Variants in EPSTI1 observed in about 807,000 individuals in gnomAD.
The protein encoded by EPSTI1 is epithelial-stromal interaction protein 1.
EPSTI1 carries 66 observed loss-of-function variants against 49.9 expected under a neutral mutation model. That is an observed-to-expected ratio of 1.32 (90% CI 1.08 to 1.62). The LOEUF (loss-of-function observed/expected upper bound fraction) is 1.62. Ranked by LOEUF, EPSTI1 falls within the 40% of genes most tolerant of loss-of-function variation. EPSTI1 has a pLI of 0.00. For synonymous variants in EPSTI1, 137 were observed against 130.7 expected, an observed-to-expected ratio of 1.05 and a Z score of -0.33; for missense variants, 394 against 365.5, an observed-to-expected ratio of 1.08 and a Z score of -0.64.
chr13:42,938,932 A>AAAAAAAAAAAAAAAAAAAAAC (rs1566136910), intron 6 of EPSTI1, among the ~76,000 whole-genome samples: 1 of 149,768 alleles, frequency 6.7e-6, no homozygotes, highest in Non-Finnish European at 1.5e-5. Flanking sequence ...AAAAAAAAAA[A>AAAAAAAAAAAAAAAAAAAAAC]TCTGTTGTTT....
chr13:42,921,298 T>C (rs2037985036), intron 7 of EPSTI1, among the ~76,000 whole-genome samples: 1 of 152,184 alleles, frequency 6.6e-6, no homozygotes, highest in Non-Finnish European at 1.5e-5. Flanking sequence ...TGGCCTTGGA[T>C]TTCTCAGGAA....
intron 3 of EPSTI1, among the ~76,000 whole-genome samples, chr13:42,967,338 C>A (rs1161293048): frequency 1.3e-5 from 2 of 150,534 alleles, no homozygotes; most frequent in African/African-American, 4.9e-5. Flanking sequence ...CCTCAACCTG[C>A]ATTTTTAAGA....
At chr13:42,969,281 T>A in intron 2 of EPSTI1, 104 bp from the exon 3 acceptor site, 1 of 1,113,106 alleles carries the variant, frequency 9.0e-7, no homozygotes, top group Non-Finnish European at 1.3e-6. Context: ...ATTAACTATA[T>A]GTGAGCATGA....
chr13:42,909,100 A>AATAATG (rs2037589409), intron 8 of EPSTI1, among the ~76,000 whole-genome samples: 1 of 147,460 alleles, frequency 6.8e-6, no homozygotes, highest in Admixed American at 6.8e-5. Flanking sequence ...TCTCAAAAAT[A>AATAATG]ATAACAATTT....
chr13:42,954,125 GATAGT>G (rs1298702423), intron 5 of EPSTI1, 104 bp from the exon 6 acceptor site: 3 of 889,046 alleles, frequency 3.4e-6, no homozygotes, highest in African/African-American at 3.3e-5. Flanking sequence ...AACTGGCCTT[GATAGT>G]CTAATACAGT....
Position 42,992,204 on chromosome 13 carries a change from G to C in EPSTI1, c.-39C>G. The C allele has an allele frequency of 6.7e-7, 1 of 1,499,604 alleles. No homozygotes were observed. Among genetic ancestry groups the C allele is most frequent in the South Asian group, 1.3e-5 (1 of 74,664 alleles). 92.9% of individuals were successfully genotyped at this position (1,499,604 alleles called of 1,614,324 possible). A position where few individuals can be genotyped will look rare whatever the true frequency, so the allele number is the denominator to read the frequency against. ...CGGGTCCCGGGCCGCCGTCGCTGCG[G>C]GAGGGATGCGGCTGGGACGCTTAGC... is the stretch of plus-strand genomic sequence containing the variant. On this transcript the variant is annotated 5_prime_UTR_variant, in exon 1 of 11. Coordinates refer to ENST00000313624, the MANE Select transcript of EPSTI1 (RefSeq NM_033255.5).
At chr13:42,903,429 G>T (rs189941937) in intron 8 of EPSTI1, among the ~76,000 whole-genome samples, 2 of 152,280 alleles carry the variant, frequency 1.3e-5, no homozygotes. Context: ...GGATGCAGGG[G>T]GAGGGAGAGC....
intron 1 of EPSTI1, among the ~76,000 whole-genome samples, chr13:42,974,584 G>A (rs1236120643): frequency 6.6e-6 from 1 of 151,780 alleles, no homozygotes; most frequent in Non-Finnish European, 1.5e-5. Flanking sequence ...GCGTGAACCA[G>A]GGAGGCGGAG....
At chr13:42,947,255 A>G (rs1228704414) in intron 6 of EPSTI1, among the ~76,000 whole-genome samples, 1 of 152,122 alleles carries the variant, frequency 6.6e-6, no homozygotes, top group African/African-American at 2.4e-5. Flanking sequence ...TGTACTTTTA[A>G]CACATATCAG....
At chr13:42,951,353 T>A (rs892314584) in intron 6 of EPSTI1, among the ~76,000 whole-genome samples, 1 of 152,236 alleles carries the variant, frequency 6.6e-6, no homozygotes, top group Non-Finnish European at 1.5e-5. Flanking sequence ...CAAAACATAA[T>A]ACTCTTTCAA....
intron 5 of EPSTI1, 108 bp downstream of exon 5, chr13:42,963,141 AAGAGAG>A: frequency 1.3e-6 from 1 of 758,134 alleles, no homozygotes; most frequent in Admixed American, 2.8e-5. Flanking sequence ...GGGGAATAGA[AAGAGAG>A]AGAGAGAGAA....
At chr13:42,969,617 C>T (rs2039715725) in intron 2 of EPSTI1, 1 of 185,052 alleles carries the variant, frequency 5.4e-6, no homozygotes, top group Admixed American at 5.7e-5. Flanking sequence ...TTCAATGCTC[C>T]CAAGCTTACT....
chr13:42,936,067 C>T (rs1244759230), intron 6 of EPSTI1, among the ~76,000 whole-genome samples: 1 of 152,146 alleles, frequency 6.6e-6, no homozygotes, highest in East Asian at 1.9e-4. Context: ...ACTGCTTCCT[C>T]AATTATAAAA....
intron 6 of EPSTI1, among the ~76,000 whole-genome samples, 156 bp from the exon 7 acceptor site, chr13:42,926,585 T>C (rs946375590): frequency 1.3e-5 from 2 of 152,134 alleles, no homozygotes; most frequent in African/African-American, 2.4e-5. Flanking sequence ...GTAGCAGAAA[T>C]CAAAACAAAA....
intron 6 of EPSTI1, among the ~76,000 whole-genome samples, chr13:42,936,359 C>T (rs984284933): frequency 2.0e-5 from 3 of 152,190 alleles, no homozygotes; most frequent in East Asian, 1.9e-4. Flanking sequence ...CCCATATCTC[C>T]ATTTACTCGT....
At chr13:42,926,990 G>GACACACACACACACAC (rs10529424) in intron 6 of EPSTI1, among the ~76,000 whole-genome samples, 55 of 144,608 alleles carry the variant, frequency 3.8e-4, no homozygotes, top group Admixed American at 6.9e-4. Flanking sequence ...TCTGTTAACA[G>GACACACACACACACAC]ACACACACAC....
intron 1 of EPSTI1, among the ~76,000 whole-genome samples, chr13:42,973,706 C>CCA (rs1403691378): frequency 6.6e-6 from 1 of 152,122 alleles, no homozygotes; most frequent in Admixed American, 6.5e-5. Context: ...TAGTTTGTAC[C>CCA]CACAGCAAAG....
In EPSTI1 at chr13:42,992,199, C is replaced by T. The variant is rs2040211140; in HGVS notation, c.-34G>A. On this transcript the variant is annotated 5_prime_UTR_variant, in exon 1 of 11. Transcript: ENST00000313624. ...GCCCGCGGGTCCCGGGCCGCCGTCG[C>T]TGCGGGAGGGATGCGGCTGGGACGC... The T allele has an allele frequency of 6.6e-7, 1 of 1,507,516 alleles. No individual in the cohort carries two copies. Among genetic ancestry groups the T allele is most frequent in the Non-Finnish European group, 8.9e-7 (1 of 1,128,436 alleles). The allele number at this position is 1,507,516 out of a possible 1,614,324, so 93.4% of individuals were successfully genotyped here.
At chr13:42,940,789 T>C (rs1286395191) in intron 6 of EPSTI1, among the ~76,000 whole-genome samples, 1 of 152,248 alleles carries the variant, frequency 6.6e-6, no homozygotes, top group Non-Finnish European at 1.5e-5. Flanking sequence ...TGAAGTATTA[T>C]CAATCCATTG....
Sources: allele counts gnomAD v4.1 joint callset (sites outside exome capture counted in the v4.1 genomes callset), GRCh38; gene constraint gnomAD v4.1.1; transcripts MANE v1.5; gene names NCBI Gene and HGNC (gene_info 2026-07-23, HGNC 2026-07-21).